Variants in SFMBT1 observed in about 807,000 individuals in gnomAD.
SFMBT1 encodes the protein scm-like with four MBT domains protein 1.
Under a neutral mutation model 108.7 loss-of-function variants are expected in SFMBT1, and 32 were observed. The ratio of observed to expected loss-of-function variants is 0.29; its 90% confidence interval spans 0.22 to 0.40. The LOEUF is 0.40. Among genes scored for constraint, SFMBT1 ranks in the 10% least tolerant of loss-of-function variants. The pLI, the probability that SFMBT1 is intolerant of heterozygous loss-of-function variation, is 1.00. For synonymous variants in SFMBT1, 348 were observed against 369.5 expected, an observed-to-expected ratio of 0.94 and a Z score of 0.67; for missense variants, 816 against 1,059.6, an observed-to-expected ratio of 0.77 and a Z score of 3.19.
intron 1 of SFMBT1, among the ~76,000 whole-genome samples, chr3:53,029,278 C>A (rs1050082382): frequency 6.7e-6 from 1 of 149,618 alleles, no homozygotes; most frequent in Non-Finnish European, 1.5e-5. Context: ...AAATATTTTA[C>A]AGAAAATGGC....
chr3:52,930,521 T>A, intron 7 of SFMBT1, 91 bp from the exon 8 acceptor site: 1 of 759,496 alleles, frequency 1.3e-6, no homozygotes, highest in Non-Finnish European at 2.3e-6. Context: ...AATGTCCAGC[T>A]CTGGTAAATC....
intron 1 of SFMBT1, among the ~76,000 whole-genome samples, chr3:53,005,157 CAT>C (rs747699276): frequency 4.9e-4 from 75 of 152,254 alleles, no homozygotes; most frequent in East Asian, 2.7e-3. Flanking sequence ...AATATAAACA[CAT>C]GTTACATACA....
At chr3:52,945,636 T>C (rs1703340745) in intron 3 of SFMBT1, among the ~76,000 whole-genome samples, 1 of 111,234 alleles carries the variant, frequency 9.0e-6, no homozygotes, top group South Asian at 3.3e-4. Context: ...TGAAACCGTC[T>C]CTACTAAAAA....
Position 52,948,825 on chromosome 3 carries a change from A to ATTTTTTTTTTTTTTTTTTTT in SFMBT1, c.124-5252_124-5233dup, listed in dbSNP as rs71615878. The stretch of plus-strand genomic sequence containing the variant: ...CTCCACCATGCCTGGCTAATTTTTA[A>ATTTTTTTTTTTTTTTTTTTT]TTTTTTTTTTTTTTTTTTTTTGTAG... On this transcript the variant is annotated intron_variant, in intron 3 of 20. Coordinates refer to ENST00000394752, the MANE Select transcript of SFMBT1 (RefSeq NM_016329.4). Among the ~76,000 whole-genome samples, 30 of 78,302 alleles carry ATTTTTTTTTTTTTTTTTTTT rather than the reference A, an allele frequency of 3.8e-4. 2 individuals carry two copies. The highest frequency in any genetic ancestry group is 6.5e-4 in the South Asian group (1 of 1,548). The allele number at this position is 78,302 out of a possible 152,430, so 51.4% of individuals were successfully genotyped here. A position where few individuals can be genotyped will look rare whatever the true frequency, so the allele number is the denominator to read the frequency against.
At chr3:52,963,787 C>T (rs1303292063) in intron 2 of SFMBT1, among the ~76,000 whole-genome samples, 1 of 152,154 alleles carries the variant, frequency 6.6e-6, no homozygotes, top group African/African-American at 2.4e-5. Flanking sequence ...TGACTATAAA[C>T]ACCAGTGGAA....
At chr3:52,985,738 C>T (rs935354711) in intron 1 of SFMBT1, among the ~76,000 whole-genome samples, 4 of 152,162 alleles carry the variant, frequency 2.6e-5, no homozygotes, top group Non-Finnish European at 4.4e-5. Flanking sequence ...TACGGTGTAG[C>T]CTATTGCCCC....
At position 52,911,170 on chromosome 3, in the gene SFMBT1, C is replaced by T; in HGVS notation, c.1739G>A (p.Gly580Glu). 1 of 1,604,394 alleles carries T rather than the reference C, an allele frequency of 6.2e-7. No individual in the cohort carries two copies. Among genetic ancestry groups the T allele is most frequent in the Non-Finnish European group, 8.5e-7 (1 of 1,175,702 alleles). ...CTCAACAGTAGCCCGATAACTCTTT[C>T]CTTTATATCTGCCATTGGAAGACAT... is the stretch of plus-strand genomic sequence containing the variant. ...CGEVLKAKYK[G>E]KSYRATVEIV... is the part of the protein sequence containing the mutation. The change falls in exon 17 of 21, where the codon GGA (glycine) becomes GAA (glutamate). Residue 580 changes from glycine to glutamate, a missense_variant. By Grantham distance (98) the Gly-to-Glu change is moderately conservative (BLOSUM62 -2). Transcript: ENST00000394752.
chr3:52,945,881 G>A (rs1703350506), intron 3 of SFMBT1, among the ~76,000 whole-genome samples: 1 of 151,464 alleles, frequency 6.6e-6, no homozygotes, highest in African/African-American at 2.4e-5. Flanking sequence ...AAAATACTAT[G>A]ATGAGAAACA....
chr3:52,905,419 A>C (rs1001649385), intron 20 of SFMBT1, 143 bp from the exon 21 acceptor site: 3 of 719,818 alleles, frequency 4.2e-6, no homozygotes, highest in Non-Finnish European at 6.6e-6. Context: ...GGTATCACAC[A>C]CTTCCTTTTA....
chr3:53,045,946 C>G lies in SFMBT1; in HGVS notation c.-261G>C, dbSNP rs1700226583. On this transcript the variant is annotated 5_prime_UTR_variant, in exon 1 of 21. Transcript: ENST00000394752. ...TTTTTCCTCCCGTGCTGCCCGCGCT[C>G]GCCCGCTCGCGCCCTCCTTCCTGCT... The G allele has an allele frequency of 6.6e-6, 1 of 151,322 alleles. No individual in the cohort carries two copies. The highest frequency in any genetic ancestry group is 2.4e-5 in the African/African-American group (1 of 41,282). 9.4% of individuals were successfully genotyped at this position (151,322 alleles called of 1,614,324 possible).
In SFMBT1 at chr3:52,958,509, T is replaced by C. The variant is rs531959427; in HGVS notation, c.29-4098A>G. ...AGGAGGCTGAGGCAGGAGAATCTCT[T>C]GAACCTGGGAGGCGGAGGTGGCAGT... is the stretch of plus-strand genomic sequence containing the variant. On this transcript the variant is annotated intron_variant, in intron 2 of 20. Coordinates refer to ENST00000394752, the MANE Select transcript of SFMBT1 (RefSeq NM_016329.4). Among the ~76,000 whole-genome samples, 10 of 152,308 alleles carry C rather than the reference T, an allele frequency of 6.6e-5. 1 individual carries two copies. In the South Asian group the frequency reaches 2.1e-3, roughly 32 times the overall value.
At chr3:53,005,329 A>G (rs1575433607) in intron 1 of SFMBT1, among the ~76,000 whole-genome samples, 1 of 152,318 alleles carries the variant, frequency 6.6e-6, no homozygotes, top group East Asian at 1.9e-4. Context: ...TTTGTTTAAG[A>G]GACAGGATCT....
At chr3:52,987,895 T>A (rs1000766242) in intron 1 of SFMBT1, among the ~76,000 whole-genome samples, 1 of 152,232 alleles carries the variant, frequency 6.6e-6, no homozygotes, top group Admixed American at 6.5e-5. Context: ...TAAAACACAT[T>A]TCCTTATTAA....
At chr3:52,925,978 C>T in intron 10 of SFMBT1, 53 bp downstream of exon 10, 1 of 1,430,986 alleles carries the variant, frequency 7.0e-7, no homozygotes, top group Non-Finnish European at 9.4e-7. Context: ...AAGGGAAGCA[C>T]AGCAGTCCCT....
chr3:52,952,096 C>T (rs1488967713), intron 3 of SFMBT1, among the ~76,000 whole-genome samples: 6 of 152,322 alleles, frequency 3.9e-5, no homozygotes, highest in Admixed American at 2.6e-4. Flanking sequence ...TGGTGGCTCA[C>T]GCCTGTAATC....
chr3:52,905,317 T>G, intron 20 of SFMBT1, 41 bp from the exon 21 acceptor site: 1 of 1,592,430 alleles, frequency 6.3e-7, no homozygotes, highest in South Asian at 1.1e-5. Context: ...GATGTGCACA[T>G]GAAAGGCAGC....
At chr3:52,991,630 C>T (rs1043573263) in intron 1 of SFMBT1, among the ~76,000 whole-genome samples, 1 of 152,142 alleles carries the variant, frequency 6.6e-6, no homozygotes, top group Non-Finnish European at 1.5e-5. Flanking sequence ...AGGCGTGAGC[C>T]ACCTCGCCCA....
chr3:53,002,885 C>G (rs1364225007), intron 1 of SFMBT1, among the ~76,000 whole-genome samples: 1 of 149,824 alleles, frequency 6.7e-6, no homozygotes, highest in Non-Finnish European at 1.5e-5. Context: ...GGTGTTTTCC[C>G]CCGCTCTCTG....
chr3:53,021,978 A>G (rs1699321831), intron 1 of SFMBT1, among the ~76,000 whole-genome samples: 1 of 152,226 alleles, frequency 6.6e-6, no homozygotes, highest in African/African-American at 2.4e-5. Context: ...AGCAGAGGCC[A>G]GCAACCCCAC....
Sources: gnomAD v4.1 joint callset for allele counts (sites outside exome capture counted in the v4.1 genomes callset) on GRCh38, gnomAD v4.1.1 for gene constraint, MANE v1.5 for transcripts, NCBI Gene and HGNC (gene_info 2026-07-23, HGNC 2026-07-21) for gene names.